NTRK3: variants seen among roughly 807,000 people sequenced by gnomAD.
The protein encoded by NTRK3 is NT-3 growth factor receptor.
Under a neutral mutation model 91.7 loss-of-function variants are expected in NTRK3, and 24 were observed. That is an observed-to-expected ratio of 0.26 (90% CI 0.19 to 0.37). The LOEUF is 0.37. Among genes scored for constraint, NTRK3 ranks in the 10% least tolerant of loss-of-function variants. The pLI is 1.00. For missense variants in NTRK3, 880 were observed against 1,068.9 expected, an observed-to-expected ratio of 0.82 and a Z score of 2.46; for synonymous variants, 483 against 404.0, an observed-to-expected ratio of 1.20 and a Z score of -2.34.
intron 17 of NTRK3, among the ~76,000 whole-genome samples, chr15:87,901,776 G>GGA (rs2066471971): frequency 6.6e-6 from 1 of 150,534 alleles, no homozygotes; most frequent in African/African-American, 2.5e-5. Flanking sequence ...GGGGGGAGAG[G>GGA]GGGAGAAAGG....
chr15:87,939,521 C>T (rs1337807762), intron 15 of NTRK3, among the ~76,000 whole-genome samples: 4 of 152,176 alleles, frequency 2.6e-5, no homozygotes, highest in African/African-American at 9.7e-5. Context: ...TATTTGCCCT[C>T]TGTGGACAGA....
intron 17 of NTRK3, among the ~76,000 whole-genome samples, chr15:87,915,108 ATGGTGGTGG>A (rs368848497): frequency 1.3e-5 from 2 of 151,946 alleles, no homozygotes; most frequent in African/African-American, 2.4e-5. Context: ...GGGGGTGGTG[ATGGTGGTGG>A]TGGTGGTGAC....
chr15:88,214,692 C>A lies in NTRK3; in HGVS notation c.249-30393G>T, dbSNP rs76601453. Among the ~76,000 whole-genome samples the A allele has an allele frequency of 4.4e-3, 17 of 3,840 alleles. No individual in the cohort carries two copies. The East Asian group carries it at 0.33, about 75-fold the overall frequency. The allele number at this position is 3,840 out of a possible 152,430, so 2.5% of individuals were successfully genotyped here. ...AAAAAAAAAACAGAGAGAATAAGGACAAAAAAAATGTGCCCCCAAATGAAC... is the reference window on the plus strand; with the variant it reads ...AAAAAAAAAACAGAGAGAATAAGGAAAAAAAAAATGTGCCCCCAAATGAAC... On this transcript the variant is annotated intron_variant, in intron 3 of 18. Transcript: ENST00000394480.
intron 17 of NTRK3, among the ~76,000 whole-genome samples, chr15:87,884,769 A>G (rs989778848): frequency 6.6e-6 from 1 of 151,818 alleles, no homozygotes; most frequent in African/African-American, 2.4e-5. Flanking sequence ...AAAATGCCAA[A>G]AATTTCCAAC....
In NTRK3 at chr15:87,912,305, C is replaced by G. The variant is rs79499352; in HGVS notation, c.2133+16886G>C. Among the ~76,000 whole-genome samples the G allele has an allele frequency of 2.7e-3, 410 of 152,252 alleles. 3 individuals are homozygous for G. The highest frequency in any genetic ancestry group is 9.2e-3 in the African/African-American group (382 of 41,540). On this transcript the variant is annotated intron_variant, in intron 17 of 18. Transcript: ENST00000394480. ...TTACAAGCTCACACTTCTACTTAAC[C>G]TCATGGAGACTGTGCTGTATTGGTG...
intron 5 of NTRK3, among the ~76,000 whole-genome samples, chr15:88,159,058 G>A (rs921234252): frequency 1.3e-5 from 2 of 152,234 alleles, no homozygotes; most frequent in African/African-American, 4.8e-5. Context: ...GGCACTGTCA[G>A]GGCTGGAGAA....
chr15:87,916,837 C>G (rs1296008730), intron 17 of NTRK3, among the ~76,000 whole-genome samples: 1 of 151,466 alleles, frequency 6.6e-6, no homozygotes, highest in Admixed American at 6.6e-5. Context: ...TCTCGGCTCA[C>G]TGCAACCTCT....
chr15:88,057,466 C>T (rs977042494), intron 13 of NTRK3, among the ~76,000 whole-genome samples: 8 of 151,402 alleles, frequency 5.3e-5, no homozygotes, highest in African/African-American at 1.7e-4. Flanking sequence ...CCACTGCACT[C>T]CAGCCTGGGA....
intron 14 of NTRK3, among the ~76,000 whole-genome samples, chr15:87,942,294 G>A (rs1412542838): frequency 6.6e-6 from 1 of 152,244 alleles, no homozygotes; most frequent in African/African-American, 2.4e-5. Flanking sequence ...CTGCAATGCG[G>A]CTGCTACACA....
At chr15:88,034,372 C>T (rs145777170) in intron 13 of NTRK3, among the ~76,000 whole-genome samples, 199 of 152,306 alleles carry the variant, frequency 1.3e-3, no homozygotes, top group African/African-American at 4.4e-3. Context: ...TAAGGACATA[C>T]AGTTACTCAA....
At chr15:88,054,094 C>T (rs1265406259) in intron 13 of NTRK3, among the ~76,000 whole-genome samples, 1 of 152,034 alleles carries the variant, frequency 6.6e-6, no homozygotes, top group Admixed American at 6.5e-5. Flanking sequence ...GAGCCCAGTT[C>T]AATATAAACC....
chr15:87,939,703 C>T (rs1424400488), intron 15 of NTRK3, among the ~76,000 whole-genome samples: 1 of 152,198 alleles, frequency 6.6e-6, no homozygotes, highest in African/African-American at 2.4e-5. Context: ...CAGGACATTG[C>T]AGGCTCTACA....
rs140555011 is a variant in NTRK3 at position 87,863,032 on chromosome 15, CATT to C, written c.*13900_*13902del. 2.0e-3 allele frequency: 457 copies of C among 230,958 alleles called. 2 individuals carry two copies. The highest frequency in any genetic ancestry group is 9.5e-3 in the African/African-American group (432 of 45,322). 14.3% of individuals were successfully genotyped at this position (230,958 alleles called of 1,614,324 possible). ...AAATGATTGTGTATAAGCAGTCCTTCATTTAGGGGTTTACAAGTCAGTGGTATG... is the reference window on the plus strand; with the variant it reads ...AAATGATTGTGTATAAGCAGTCCTTCTAGGGGTTTACAAGTCAGTGGTATG... On this transcript the variant is annotated 3_prime_UTR_variant, in exon 19 of 19. Coordinates refer to ENST00000394480, the Ensembl canonical transcript of NTRK3.
chr15:88,210,624 C>T (rs889508758), intron 3 of NTRK3, among the ~76,000 whole-genome samples: 5 of 152,180 alleles, frequency 3.3e-5, no homozygotes, highest in African/African-American at 4.8e-5. Context: ...CAGGAGAGAG[C>T]GAACACCTGG....
At chr15:87,898,306 A>C (rs2066250143) in intron 17 of NTRK3, among the ~76,000 whole-genome samples, 1 of 152,284 alleles carries the variant, frequency 6.6e-6, no homozygotes, top group Non-Finnish European at 1.5e-5. Context: ...CCGCACTCCA[A>C]GTCTTTCTTT....
At position 88,128,707 on chromosome 15, in the gene NTRK3, T is replaced by C. The variant is rs1281331602; in HGVS notation, c.1228+4A>G. 6.2e-7 allele frequency: 1 copy of C among 1,614,000 alleles called. No homozygotes were observed. The highest frequency in any genetic ancestry group is 1.7e-5 in the Admixed American group (1 of 60,014). On this transcript the variant is annotated splice_donor_region_variant and intron_variant, in intron 11 of 18. Coordinates refer to ENST00000394480, the Ensembl canonical transcript of NTRK3. ...TTTCAAAGCAACAGGTAAAGCAGAC[T>C]TACACAAGATAAAGTTATCCGTGCT...
chr15:88,163,649 C>T (rs2044668514), intron 5 of NTRK3, among the ~76,000 whole-genome samples: 1 of 152,166 alleles, frequency 6.6e-6, no homozygotes, highest in East Asian at 1.9e-4. Flanking sequence ...ATTGAATGAG[C>T]CCAAGCATAA....
intron 13 of NTRK3, among the ~76,000 whole-genome samples, chr15:88,111,907 T>TG (rs1169914915): frequency 1.5e-3 from 135 of 92,592 alleles, no homozygotes; most frequent in African/African-American, 7.7e-3. Context: ...TTTTTGTTTT[T>TG]GTTTTTTTTT....
intron 5 of NTRK3, among the ~76,000 whole-genome samples, chr15:88,158,263 C>T (rs568342307): frequency 1.3e-4 from 20 of 152,296 alleles, no homozygotes; most frequent in East Asian, 1.9e-4. Flanking sequence ...GAAGCCACAA[C>T]GCGCCCACGC....
Sources: allele counts gnomAD v4.1 joint callset (sites outside exome capture counted in the v4.1 genomes callset), GRCh38; gene constraint gnomAD v4.1.1; transcripts MANE v1.5; gene names NCBI Gene and HGNC (gene_info 2026-07-23, HGNC 2026-07-21).